CSMD1: variants seen among roughly 807,000 people sequenced by gnomAD.
CSMD1 encodes the protein CUB and Sushi multiple domains 1, also known as CUB and sushi domain-containing protein 1.
A neutral mutation model predicts 417.5 loss-of-function variants in CSMD1; 213 were observed. The ratio of observed to expected loss-of-function variants is 0.51; its 90% CI spans 0.46 to 0.57. The LOEUF is 0.57. Ranked by LOEUF, CSMD1 falls within the 20% of genes least tolerant of loss-of-function variation. The probability of loss-of-function intolerance (pLI) is 0.00; values close to 1 mark genes in which losing one functional copy is unlikely to be tolerated. For synonymous variants in CSMD1, 2,862 were observed against 1,736.8 expected (o/e 1.65, Z -16.11); for missense variants, 6,923 against 4,529.7 (o/e 1.53, Z -15.17).
intron 3 of CSMD1, among the ~76,000 whole-genome samples, chr8:4,187,926 C>G (rs886255734): frequency 6.6e-6 from 1 of 151,944 alleles, no homozygotes. Flanking sequence ...TAATAAAATA[C>G]AAAACAGTCC....
chr8:4,184,524 T>C (rs1397692234), intron 3 of CSMD1, among the ~76,000 whole-genome samples: 1 of 152,130 alleles, frequency 6.6e-6, no homozygotes, highest in Non-Finnish European at 1.5e-5. Context: ...TGGAATACTA[T>C]GCAGCCATAA....
intron 3 of CSMD1, among the ~76,000 whole-genome samples, chr8:4,273,292 G>C (rs541920914): frequency 2.0e-5 from 3 of 152,104 alleles, no homozygotes; most frequent in African/African-American, 7.2e-5. Context: ...GTGAGTATAT[G>C]TATATAATTT....
intron 2 of CSMD1, among the ~76,000 whole-genome samples, chr8:4,506,998 C>G (rs1423703640): frequency 6.6e-6 from 1 of 151,988 alleles, no homozygotes; most frequent in Non-Finnish European, 1.5e-5. Flanking sequence ...TGAAGGAATT[C>G]CTAAGAATGC....
intron 10 of CSMD1, among the ~76,000 whole-genome samples, chr8:3,504,828 C>G (rs1356470348): frequency 6.6e-6 from 1 of 152,072 alleles, no homozygotes; most frequent in Non-Finnish European, 1.5e-5. Context: ...CATTAAATTT[C>G]AAGAGAGTAG....
intron 4 of CSMD1, among the ~76,000 whole-genome samples, chr8:4,028,179 G>A (rs929296425): frequency 1.3e-5 from 2 of 152,106 alleles, no homozygotes; most frequent in African/African-American, 4.8e-5. Context: ...ATCTAGAGTA[G>A]GAACTAGTCA....
At chr8:3,644,243 A>ACCTAACTAACAGTTAGGTTCT (rs1797461020) in intron 7 of CSMD1, among the ~76,000 whole-genome samples, 1 of 152,222 alleles carries the variant, frequency 6.6e-6, no homozygotes, top group Non-Finnish European at 1.5e-5. Context: ...CGTTGAGGTG[A>ACCTAACTAACAGTTAGGTTCT]CACTAACAGT....
At chr8:3,974,690 A>G (rs531833745) in intron 5 of CSMD1, among the ~76,000 whole-genome samples, 3 of 151,840 alleles carry the variant, frequency 2.0e-5, no homozygotes, top group Non-Finnish European at 4.4e-5. Flanking sequence ...TTTTTTACAT[A>G]ACAGAATGAA....
In CSMD1 at chr8:4,312,376, A is replaced by AATATATATAT. The variant is rs535230667; in HGVS notation, c.415+107567_415+107576dup. On this transcript the variant is annotated intron_variant, in intron 3 of 69. Transcript: ENST00000635120. ...TAAGCTAATTACTTTTAATGGAACA[A>AATATATATAT]ATATATATATATATATACATACATA... Among the ~76,000 whole-genome samples the AATATATATAT allele has an allele frequency of 9.1e-3, 573 of 63,116 alleles. 65 individuals carry two copies. Among genetic ancestry groups the AATATATATAT allele is most frequent in the African/African-American group, 0.035 (549 of 15,716 alleles). 41.4% of individuals were successfully genotyped at this position (63,116 alleles called of 152,430 possible).
At chr8:4,539,145 AT>A (rs1196716754) in intron 2 of CSMD1, among the ~76,000 whole-genome samples, 5 of 152,202 alleles carry the variant, frequency 3.3e-5, no homozygotes, top group Non-Finnish European at 5.9e-5. Flanking sequence ...CTAAAAATGG[AT>A]TTTTTTGTGG....
At chr8:3,556,055 C>T (rs1206930903) in intron 10 of CSMD1, among the ~76,000 whole-genome samples, 3 of 152,068 alleles carry the variant, frequency 2.0e-5, no homozygotes, top group African/African-American at 4.8e-5. Context: ...ACTTTTCGCT[C>T]TAGATGTTCT....
intron 1 of CSMD1, among the ~76,000 whole-genome samples, chr8:4,685,662 A>G (rs943406101): frequency 6.6e-6 from 1 of 152,228 alleles, no homozygotes; most frequent in African/African-American, 2.4e-5. Context: ...ACTTCACAGG[A>G]AACAAAATCA....
intron 1 of CSMD1, among the ~76,000 whole-genome samples, chr8:4,696,428 T>C (rs558482661): frequency 1.3e-5 from 2 of 152,322 alleles, no homozygotes; most frequent in Non-Finnish European, 2.9e-5. Flanking sequence ...GCTTCTCCTA[T>C]TTCTCTAAAT....
intron 7 of CSMD1, among the ~76,000 whole-genome samples, chr8:3,661,913 A>G (rs1798438104): frequency 6.6e-6 from 1 of 152,186 alleles, no homozygotes; most frequent in Non-Finnish European, 1.5e-5. Context: ...AAGACAGCAA[A>G]TTTATAGCAA....
chr8:4,954,965 G>C (rs746817294), intron 1 of CSMD1, among the ~76,000 whole-genome samples: 1 of 152,124 alleles, frequency 6.6e-6, no homozygotes, highest in Non-Finnish European at 1.5e-5. Flanking sequence ...TTATCTTTTA[G>C]AATGTTCCTG....
At chr8:4,014,041 G>A (rs954506253) in intron 4 of CSMD1, among the ~76,000 whole-genome samples, 1 of 152,144 alleles carries the variant, frequency 6.6e-6, no homozygotes, top group Non-Finnish European at 1.5e-5. Context: ...AAATATTGAT[G>A]TGTATTGGAA....
chr8:3,465,390 C>T (rs149376037), intron 12 of CSMD1, among the ~76,000 whole-genome samples: 1 of 152,246 alleles, frequency 6.6e-6, no homozygotes, highest in East Asian at 1.9e-4. Flanking sequence ...CTCACATATG[C>T]CCAAGCCTAC....
chr8:4,145,827 C>A (rs1804078515), intron 3 of CSMD1, among the ~76,000 whole-genome samples: 1 of 151,170 alleles, frequency 6.6e-6, no homozygotes, highest in Non-Finnish European at 1.5e-5. Flanking sequence ...GTTGGAATGG[C>A]TTCCAGGAAG....
intron 2 of CSMD1, among the ~76,000 whole-genome samples, chr8:4,430,669 T>C (rs911590148): frequency 2.0e-5 from 3 of 152,158 alleles, no homozygotes; most frequent in Admixed American, 2.0e-4. Flanking sequence ...GGGCAAGTTA[T>C]AATTACAGTG....
chr8:3,496,113 G>C (rs546897084), intron 10 of CSMD1, among the ~76,000 whole-genome samples: 3 of 152,256 alleles, frequency 2.0e-5, no homozygotes, highest in East Asian at 1.9e-4. Flanking sequence ...CTGTGTTCAT[G>C]TGTTCTCATT....
Sources: gnomAD v4.1 joint callset for allele counts (sites outside exome capture counted in the v4.1 genomes callset) on GRCh38, gnomAD v4.1.1 for gene constraint, MANE v1.5 for transcripts, NCBI Gene and HGNC (gene_info 2026-07-23, HGNC 2026-07-21) for gene names.